The following SYTL2 variants were observed in gnomAD, a reference collection of about 807,000 sequenced individuals.
SYTL2 encodes synaptotagmin-like protein 2.
A neutral mutation model predicts 198.7 loss-of-function variants in SYTL2; 165 were observed. The ratio of observed to expected loss-of-function variants is 0.83; its 90% CI spans 0.73 to 0.94. SYTL2 has a LOEUF of 0.94. Ranked by LOEUF, SYTL2 falls within the 40% of genes least tolerant of loss-of-function variation. The pLI, the probability that SYTL2 is intolerant of heterozygous loss-of-function variation, is 0.00. For missense variants in SYTL2, 2,835 were observed against 2,582.8 expected, an observed-to-expected ratio of 1.10 and a Z score of -2.12; for synonymous variants, 966 against 917.7, an observed-to-expected ratio of 1.05 and a Z score of -0.95.
At chr11:85,746,174 T>C (rs1348522048) in intron 3 of SYTL2, among the ~76,000 whole-genome samples, 1 of 152,202 alleles carries the variant, frequency 6.6e-6, no homozygotes, top group Non-Finnish European at 1.5e-5. Flanking sequence ...ACTGAATAGC[T>C]ACAATGTGTT....
rs1566026358 is a variant in SYTL2 at position 85,789,372 on chromosome 11, AT to A, written c.-390+21581del. Reference sequence around the variant, plus strand: ...TATATATATATATATATATATATATATATATGTATATATATATATATATATA... The same window carrying A: ...TATATATATATATATATATATATATAATATGTATATATATATATATATATA... On this transcript the variant is annotated intron_variant, in intron 1 of 19. Transcript: ENST00000359152. Among the ~76,000 whole-genome samples the A allele has an allele frequency of 2.0e-3, 82 of 41,914 alleles. 2 individuals carry two copies. Among genetic ancestry groups the A allele is most frequent in the African/African-American group, 7.2e-3 (61 of 8,482 alleles). 27.5% of individuals were successfully genotyped at this position (41,914 alleles called of 152,430 possible). A position where few individuals can be genotyped will look rare whatever the true frequency, so the allele number is the denominator to read the frequency against.
intron 3 of SYTL2, 50 bp downstream of exon 3, chr11:85,748,222 T>C: frequency 6.3e-7 from 1 of 1,586,598 alleles, no homozygotes; most frequent in Non-Finnish European, 8.6e-7. Context: ...TCCCCGCTCC[T>C]CCTTCCCAAA....
intron 18 of SYTL2, 63 bp downstream of exon 18, chr11:85,697,916 C>G: frequency 9.2e-7 from 1 of 1,086,552 alleles, no homozygotes; most frequent in South Asian, 1.3e-5. Flanking sequence ...TATAGAGAAC[C>G]GAAACTAACC....
chr11:85,826,671 C>CAG, the SYTL2 span, among the ~76,000 whole-genome samples: 15 of 152,306 alleles, frequency 9.8e-5, no homozygotes, highest in Non-Finnish European at 1.6e-4. Context: ...AACGGTATGT[C>CAG]AGAGAGAGAG....
the SYTL2 span, among the ~76,000 whole-genome samples, chr11:85,816,664 C>T: frequency 1.2e-4 from 18 of 152,264 alleles, no homozygotes; most frequent in South Asian, 4.2e-4. Flanking sequence ...AATACCAACA[C>T]TTTGGGACGC....
chr11:85,700,426 G>C (rs2084107089), intron 17 of SYTL2, 89 bp downstream of exon 17: 12 of 988,676 alleles, frequency 1.2e-5, no homozygotes, highest in Non-Finnish European at 1.6e-5. Flanking sequence ...AGTTTCTTTA[G>C]GGCCTCACCT....
chr11:85,707,426 T>A lies in SYTL2; in HGVS notation c.6018+3A>T. 2.5e-6 allele frequency: 4 copies of A among 1,603,512 alleles called. No individual in the cohort carries two copies. Among genetic ancestry groups the A allele is most frequent in the Non-Finnish European group, 3.4e-6 (4 of 1,170,652 alleles). ...TTTTCCTATAGAGAGAGTTCATAGA[T>A]ACCCGCAGTATTTCGTTATACACAG... On this transcript the variant is annotated splice_donor_region_variant and intron_variant, in intron 15 of 19. Transcript: ENST00000359152.
At chr11:85,806,506 C>T (rs75184229) in intron 1 of SYTL2, among the ~76,000 whole-genome samples, 1 of 152,178 alleles carries the variant, frequency 6.6e-6, no homozygotes, top group Non-Finnish European at 1.5e-5. Flanking sequence ...TTCTGTCAAC[C>T]TACCTTCCCC....
intron 1 of SYTL2, among the ~76,000 whole-genome samples, chr11:85,795,692 A>G (rs1257207961): frequency 6.6e-6 from 1 of 152,220 alleles, no homozygotes; most frequent in Non-Finnish European, 1.5e-5. Context: ...TATTTCTACA[A>G]TATAAAAATT....
the SYTL2 span, among the ~76,000 whole-genome samples, chr11:85,838,764 G>T: frequency 6.6e-6 from 1 of 152,144 alleles, no homozygotes; most frequent in East Asian, 1.9e-4. Flanking sequence ...TTAAACATGA[G>T]ATTTGGATGG....
the SYTL2 span, among the ~76,000 whole-genome samples, chr11:85,819,273 T>C: frequency 6.6e-6 from 1 of 152,204 alleles, no homozygotes; most frequent in Non-Finnish European, 1.5e-5. Flanking sequence ...AGGAAAAATA[T>C]TAAAGAAATT....
At chr11:85,758,709 T>C (rs1331011602) in intron 1 of SYTL2, among the ~76,000 whole-genome samples, 5 of 152,190 alleles carry the variant, frequency 3.3e-5, no homozygotes, top group Non-Finnish European at 5.9e-5. Flanking sequence ...TGTGTGTATA[T>C]AAACTGGAGG....
chr11:85,781,382 A>T (rs991064710), intron 1 of SYTL2, among the ~76,000 whole-genome samples: 1 of 152,158 alleles, frequency 6.6e-6, no homozygotes, highest in African/African-American at 2.4e-5. Flanking sequence ...GCACACAGGG[A>T]TTATGAGAAC....
intron 1 of SYTL2, among the ~76,000 whole-genome samples, chr11:85,778,339 AC>A (rs1441543404): frequency 6.6e-6 from 1 of 152,210 alleles, no homozygotes; most frequent in Non-Finnish European, 1.5e-5. Flanking sequence ...AGAGCCCAGG[AC>A]TATTTGATAG....
At chr11:85,721,508 T>C (rs1268148931) in intron 8 of SYTL2, among the ~76,000 whole-genome samples, 1 of 152,136 alleles carries the variant, frequency 6.6e-6, no homozygotes, top group Non-Finnish European at 1.5e-5. Context: ...AATTTTTATT[T>C]TAGTAAGGCA....
At chr11:85,789,107 TTA>T (rs2092682000) in intron 1 of SYTL2, among the ~76,000 whole-genome samples, 1 of 150,938 alleles carries the variant, frequency 6.6e-6, no homozygotes, top group Non-Finnish European at 1.5e-5. Context: ...TTTTATTTAT[TTA>T]TATATTTATT....
rs184355405 is a variant in SYTL2 at position 85,750,905 on chromosome 11, G to A, written c.102-2482C>T. On this transcript the variant is annotated intron_variant, in intron 2 of 19. Transcript: ENST00000359152. ...TTGAAGGAGGCCACAAACCCTTATA[G>A]CAGAACAACACCCAATTTCTTTTCA... 9.2e-5 allele frequency among the ~76,000 whole-genome samples: 14 copies of A among 152,240 alleles called. 1 individual carries two copies. Among genetic ancestry groups the A allele is most frequent in the African/African-American group, 3.4e-4 (14 of 41,540 alleles).
Position 85,709,461 on chromosome 11 carries a change from C to G in SYTL2, c.5785G>C (p.Gly1929Arg). The G allele has an allele frequency of 6.2e-7, 1 of 1,613,976 alleles. No homozygotes were observed. The highest frequency in any genetic ancestry group is 1.1e-5 in the South Asian group (1 of 91,078). The change falls in exon 14 of 20, where the codon GGC becomes CGC. Residue 1929 changes from glycine to arginine, a missense_variant. By Grantham distance (125) the Gly-to-Arg change is moderately radical. Transcript: ENST00000359152. ...ATATTTCCTTTAACTTCCAGATTGCCAAAGTCTCCACTATAAACACTCATC... is the reference window on the plus strand; with the variant it reads ...ATATTTCCTTTAACTTCCAGATTGCGAAAGTCTCCACTATAAACACTCATC... The part of the protein sequence containing the change: ...SVMSVYSGDF[G>R]NLEVKGNIQF...
At chr11:85,775,576 G>A (rs1174958399) in intron 1 of SYTL2, among the ~76,000 whole-genome samples, 5 of 152,114 alleles carry the variant, frequency 3.3e-5, no homozygotes, top group African/African-American at 1.2e-4. Context: ...TCCACCTCCT[G>A]GGTTCAAGTG....
Sources: gnomAD v4.1 joint callset for allele counts (sites outside exome capture counted in the v4.1 genomes callset) on GRCh38, gnomAD v4.1.1 for gene constraint, MANE v1.5 for transcripts, NCBI Gene and HGNC (gene_info 2026-07-23, HGNC 2026-07-21) for gene names.